NETO1: variants seen among roughly 807,000 people sequenced by gnomAD.
The protein encoded by NETO1 is neuropilin and tolloid like 1.
Under a neutral mutation model 61.3 loss-of-function variants are expected in NETO1, and 26 were observed. The observed-to-expected ratio is 0.42, with a 90% CI of 0.31 to 0.59. The LOEUF is 0.59. Among genes scored for constraint, NETO1 ranks in the 20% least tolerant of loss-of-function variants. The probability of loss-of-function intolerance (pLI) is 0.12; values close to 1 mark genes in which losing one functional copy is unlikely to be tolerated. For synonymous variants in NETO1, 225 were observed against 225.8 expected (o/e 1.00, Z 0.03); for missense variants, 531 against 662.8 (o/e 0.80, Z 2.18).
intron 4 of NETO1, among the ~76,000 whole-genome samples, chr18:72,856,484 G>A (rs932693715): frequency 1.3e-5 from 2 of 152,160 alleles, no homozygotes; most frequent in Admixed American, 6.5e-5. Flanking sequence ...AACAGCTATC[G>A]ATAGTTGAGT....
chr18:72,844,433 A>C (rs933561888), intron 4 of NETO1, among the ~76,000 whole-genome samples: 2 of 152,202 alleles, frequency 1.3e-5, no homozygotes, highest in African/African-American at 4.8e-5. Flanking sequence ...AATTTAAAAC[A>C]TTAATATACT....
intron 4 of NETO1, among the ~76,000 whole-genome samples, chr18:72,804,655 C>G (rs2072616188): frequency 6.6e-6 from 1 of 152,102 alleles, no homozygotes; most frequent in Non-Finnish European, 1.5e-5. Context: ...TCATGTATGC[C>G]ATTATATCAC....
intron 4 of NETO1, among the ~76,000 whole-genome samples, chr18:72,798,127 C>T (rs970596003): frequency 1.3e-5 from 2 of 152,218 alleles, no homozygotes; most frequent in African/African-American, 4.8e-5. Context: ...GTGGGCCACA[C>T]AGCAGGAGAT....
At chr18:72,840,960 C>T (rs1383953168) in intron 4 of NETO1, among the ~76,000 whole-genome samples, 1 of 152,158 alleles carries the variant, frequency 6.6e-6, no homozygotes, top group Non-Finnish European at 1.5e-5. Flanking sequence ...CACTCTTCTA[C>T]ATAATTTTCA....
chr18:72,787,210 A>G (rs984696229), intron 6 of NETO1, among the ~76,000 whole-genome samples: 3 of 151,322 alleles, frequency 2.0e-5, no homozygotes, highest in Non-Finnish European at 4.4e-5. Context: ...TAAAAATTCT[A>G]TGCAATAAAT....
intron 4 of NETO1, among the ~76,000 whole-genome samples, chr18:72,805,750 C>T (rs912712665): frequency 2.0e-5 from 3 of 152,138 alleles, no homozygotes; most frequent in Non-Finnish European, 4.4e-5. Context: ...CTGGGCCTGT[C>T]TGGACTCTCC....
chr18:72,771,923 G>GAA (rs2071364582), intron 7 of NETO1, among the ~76,000 whole-genome samples: 1 of 152,056 alleles, frequency 6.6e-6, no homozygotes, highest in Non-Finnish European at 1.5e-5. Context: ...TATGTCAGAA[G>GAA]TCCAGGCAGG....
Position 72,867,889 on chromosome 18 carries a change from C to A in NETO1, c.-598G>T. ...GAGGATGTCCAGCGGCAGCGCTCCT[C>A]GCTCCAGCCCTTGGGGATCTTCCGC... On this transcript the variant is annotated 5_prime_UTR_variant, in exon 1 of 11. An upstream open reading frame in the 5' UTR gains an earlier in-frame stop. Transcript: ENST00000327305. The A allele has an allele frequency of 6.6e-6, 1 of 152,576 alleles. No homozygotes were observed. Among genetic ancestry groups the A allele is most frequent in the South Asian group, 1.8e-4 (1 of 5,604 alleles). The allele number at this position is 152,576 out of a possible 1,614,324, so 9.5% of individuals were successfully genotyped here.
intron 7 of NETO1, 79 bp from the exon 8 acceptor site, chr18:72,756,226 A>G: frequency 3.0e-6 from 2 of 665,014 alleles, no homozygotes; most frequent in African/African-American, 1.8e-5. Flanking sequence ...TACAAATCTA[A>G]AAAAAAAAGA....
Position 72,862,794 on chromosome 18 carries a change from G to A in NETO1, c.220+2014C>T, listed in dbSNP as rs549480939. ...CGCCACCACGCCTGGCTCATTTTTC[G>A]TATTTTTAGTAGAAACGGGGTTTCA... is the stretch of plus-strand genomic sequence containing the variant. On this transcript the variant is annotated intron_variant, in intron 3 of 10. Coordinates refer to ENST00000327305, the MANE Select transcript of NETO1 (RefSeq NM_138966.5). Among the ~76,000 whole-genome samples, 34 of 151,728 alleles carry A rather than the reference G, an allele frequency of 2.2e-4. No individual in the cohort carries two copies. In the South Asian group the frequency reaches 6.7e-3, roughly 30 times the overall value.
intron 3 of NETO1, 66 bp downstream of exon 3, chr18:72,864,742 C>A: frequency 6.2e-7 from 1 of 1,603,074 alleles, no homozygotes; most frequent in Non-Finnish European, 8.5e-7. Flanking sequence ...TATTCTTCAT[C>A]CAAAGCACAG....
chr18:72,803,537 T>C (rs762414320), intron 4 of NETO1, among the ~76,000 whole-genome samples: 3 of 152,146 alleles, frequency 2.0e-5, no homozygotes. Flanking sequence ...TAAAATACTC[T>C]CCTGGCCAGG....
chr18:72,809,561 A>T (rs1245999341), intron 4 of NETO1, among the ~76,000 whole-genome samples: 1 of 152,236 alleles, frequency 6.6e-6, no homozygotes, highest in Non-Finnish European at 1.5e-5. Context: ...AAAATAAATT[A>T]TCCCATGCAT....
At position 72,855,491 on chromosome 18, in the gene NETO1, GA is replaced by G. The variant is rs773584851; in HGVS notation, c.469+3334del. Among the ~76,000 whole-genome samples the G allele has an allele frequency of 7.9e-5, 12 of 152,296 alleles. No homozygotes were observed. The East Asian group carries it at 2.3e-3, about 29-fold the overall frequency. ...GAGGATTCATCAAAATGTGCCAGGA[GA>G]AAAAGAAGGGCCTCCTTTAAGCCCA... is the stretch of plus-strand genomic sequence containing the variant. On this transcript the variant is annotated intron_variant, in intron 4 of 10. Transcript: ENST00000327305.
In NETO1 at chr18:72,786,112, T is replaced by C. The variant is rs77577336; in HGVS notation, c.640-2206A>G. Among the ~76,000 whole-genome samples, 627 of 152,356 alleles carry C rather than the reference T, an allele frequency of 4.1e-3. 6 individuals are homozygous for C. The highest frequency in any genetic ancestry group is 0.014 in the African/African-American group (585 of 41,588). Reference sequence around the variant, plus strand: ...TTAACTGGAAGTTTCATTTTCTTTATTGAATTCCTTTGTTCAGCATTCATA... The same window carrying C: ...TTAACTGGAAGTTTCATTTTCTTTACTGAATTCCTTTGTTCAGCATTCATA... On this transcript the variant is annotated intron_variant, in intron 6 of 10. Coordinates refer to ENST00000327305, the MANE Select transcript of NETO1 (RefSeq NM_138966.5).
chr18:72,855,533 G>A (rs188693194), intron 4 of NETO1, among the ~76,000 whole-genome samples: 3 of 152,244 alleles, frequency 2.0e-5, no homozygotes, highest in African/African-American at 7.2e-5. Context: ...ATTCTCTCTC[G>A]CTCTGCCTCC....
chr18:72,776,058 TAAA>T (rs1213045334), intron 7 of NETO1, among the ~76,000 whole-genome samples: 1 of 151,876 alleles, frequency 6.6e-6, no homozygotes, highest in Non-Finnish European at 1.5e-5. Context: ...AAACAAAAAA[TAAA>T]AAAAGACGTA....
chr18:72,834,839 G>C (rs2073693102), intron 4 of NETO1: 1 of 980,494 alleles, frequency 1.0e-6, no homozygotes, highest in Admixed American at 6.2e-5. Flanking sequence ...TGGGGAGAGT[G>C]GAGACTATTA....
At chr18:72,795,041 C>G (rs899419035) in intron 4 of NETO1, among the ~76,000 whole-genome samples, 1 of 152,136 alleles carries the variant, frequency 6.6e-6, no homozygotes, top group African/African-American at 2.4e-5. Context: ...AACTCAACAC[C>G]CACTCTCCCT....
Sources: allele counts gnomAD v4.1 joint callset (sites outside exome capture counted in the v4.1 genomes callset), GRCh38; gene constraint gnomAD v4.1.1; transcripts MANE v1.5; gene names NCBI Gene and HGNC (gene_info 2026-07-23, HGNC 2026-07-21).